Variants in SLC22A11 observed in about 807,000 individuals in gnomAD.
SLC22A11 encodes organic anion transporter 4.
SLC22A11 carries 42 observed loss-of-function variants against 49.4 expected under a neutral mutation model. The observed-to-expected ratio is 0.85, with a 90% CI of 0.66 to 1.10. SLC22A11 has a LOEUF of 1.10. Ranked by LOEUF, SLC22A11 falls within the 50% of genes least tolerant of loss-of-function variation. The pLI is 0.00. For synonymous variants in SLC22A11, 304 were observed against 315.8 expected (o/e 0.96, Z 0.40); for missense variants, 685 against 731.6 (o/e 0.94, Z 0.74).
chr11:64,567,657 G>A lies in SLC22A11; in HGVS notation c.1117G>A (p.Asp373Asn). 6.2e-7 allele frequency: 1 copy of A among 1,614,116 alleles called. No individual in the cohort carries two copies. Among genetic ancestry groups the A allele is most frequent in the Non-Finnish European group, 8.5e-7 (1 of 1,180,036 alleles). ...LVFDLQSLGR[D>N]IFLLQALFGA... The stretch of plus-strand genomic sequence containing the variant: ...CTTCGACCTGCAGAGCCTGGGCCGT[G>A]ACATCTTCCTCCTCCAGGCCCTCTT... The change falls in exon 7 of 10, where the codon GAC (aspartate) becomes AAC (asparagine). Residue 373 changes from aspartate to asparagine, a missense_variant. Transcript: ENST00000301891.
intron 6 of SLC22A11, 21 bp from the exon 7 acceptor site, chr11:64,567,578 G>C: frequency 6.2e-7 from 1 of 1,611,186 alleles, no homozygotes; most frequent in South Asian, 1.1e-5. Context: ...GCAGGGACCT[G>C]ACTTCCAGCC....
rs1305912656 is a variant in SLC22A11 at position 64,571,107 on chromosome 11, T to A, written c.*65T>A. The A allele has an allele frequency of 1.0e-5, 16 of 1,575,572 alleles. No individual in the cohort carries two copies. The highest frequency in any genetic ancestry group is 1.3e-5 in the African/African-American group (1 of 74,218). On this transcript the variant is annotated 3_prime_UTR_variant, in exon 10 of 10. Transcript: ENST00000301891. ...TGGAAAGGAGTTGCCTCTTCTCCAA[T>A]CAGAGCGTGGAGGCGAGTTGGGCGA... is the stretch of plus-strand genomic sequence containing the variant.
intron 1 of SLC22A11, among the ~76,000 whole-genome samples, chr11:64,558,036 G>A (rs984862374): frequency 1.3e-5 from 2 of 152,138 alleles, no homozygotes; most frequent in East Asian, 3.8e-4. Context: ...GACCTCTGGT[G>A]ATCCACCCGC....
intron 6 of SLC22A11, among the ~76,000 whole-genome samples, chr11:64,567,335 C>A (rs1285771755): frequency 2.6e-5 from 4 of 152,246 alleles, no homozygotes; most frequent in Non-Finnish European, 4.4e-5. Flanking sequence ...AGAGGCAACG[C>A]CCCAGCGCAT....
At chr11:64,560,808 A>G (rs2038532984) in intron 2 of SLC22A11, among the ~76,000 whole-genome samples, 1 of 152,134 alleles carries the variant, frequency 6.6e-6, no homozygotes, top group African/African-American at 2.4e-5. Context: ...TATTTCATGA[A>G]TGGAGGACTG....
At position 64,565,569 on chromosome 11, in the gene SLC22A11, G is replaced by A. The variant is rs2038614048; in HGVS notation, c.1058+232G>A. 1 of 609,570 alleles carries A rather than the reference G, an allele frequency of 1.6e-6. No homozygotes were observed. Among genetic ancestry groups the A allele is most frequent in the Non-Finnish European group, 3.1e-6 (1 of 326,148 alleles). 37.8% of individuals were successfully genotyped at this position (609,570 alleles called of 1,614,324 possible). A position where few individuals can be genotyped will look rare whatever the true frequency, so the allele number is the denominator to read the frequency against. On this transcript the variant is annotated intron_variant, in intron 6 of 9. Coordinates refer to ENST00000301891, the MANE Select transcript of SLC22A11 (RefSeq NM_018484.4). This position sits in a 1 kb window ranked among gnomAD's most constrained non-coding sequence, Gnocchi z 4.1. ...AGGCTGCCATCTGCAGGAAGCCAGA[G>A]GAAAAGGCAGCTCTAGGCTGGGGGT...
Position 64,569,827 on chromosome 11 carries a change from C to G in SLC22A11, c.1558C>G (p.Leu520Val), listed in dbSNP as rs918339602. Residue 520 changes from leucine to valine, a missense_variant, in exon 9 of 10, where the codon CTC (leucine) becomes GTC (valine). Transcript: ENST00000301891. ...CCTCCCGGAGACCCAGGGACTTCCGCTCCCTGACACTATCCAGGACCTGGA... is the reference window on the plus strand; with the variant it reads ...CCTCCCGGAGACCCAGGGACTTCCGGTCCCTGACACTATCCAGGACCTGGA... ...FFLPETQGLP[L>V]PDTIQDLESQ... is the part of the protein sequence containing the mutation. 6.2e-7 allele frequency: 1 copy of G among 1,613,818 alleles called. No homozygotes were observed. Among genetic ancestry groups the G allele is most frequent in the African/African-American group, 1.3e-5 (1 of 75,044 alleles).
chr11:64,565,270 C>T lies in SLC22A11; in HGVS notation c.991C>T (p.Arg331Trp), dbSNP rs1286241275. The T allele has an allele frequency of 6.4e-7, 1 of 1,550,426 alleles. No homozygotes were observed. The highest frequency in any genetic ancestry group is 1.2e-5 in the South Asian group (1 of 83,962). The change falls in exon 6 of 10, where the codon CGG becomes TGG. Residue 331 changes from arginine (R) to tryptophan (W), a missense_variant. Physicochemically the swap from Arg to Trp is moderately radical, Grantham distance 101. Coordinates refer to ENST00000301891, the MANE Select transcript of SLC22A11 (RefSeq NM_018484.4). This position sits in a 1 kb window ranked among gnomAD's most constrained non-coding sequence, Gnocchi z 4.1. Reference protein sequence around the residue: ...KEEVASAKEPRSVLDLFCVPV... With the variant: ...KEEVASAKEPWSVLDLFCVPV... ...GGAGGTGGCCTCTGCAAAGGAGCCG[C>T]GGTCGGTGCTGGACCTGTTCTGCGT...
Position 64,562,453 on chromosome 11 carries a change from C to A in SLC22A11, c.821+18C>A, listed in dbSNP as rs745570824. 3 of 1,529,940 alleles carry A rather than the reference C, an allele frequency of 2.0e-6. No individual in the cohort carries two copies. In the South Asian group the frequency reaches 3.7e-5, roughly 19 times the overall value. The allele number at this position is 1,529,940 out of a possible 1,614,324, so 94.8% of individuals were successfully genotyped here. Reference sequence around the variant, plus strand: ...ATATCCTGGTCAGTATGATGTGGGACCTTTTCCTTAGGAGACCCAGGGTGG... The same window carrying A: ...ATATCCTGGTCAGTATGATGTGGGAACTTTTCCTTAGGAGACCCAGGGTGG... On this transcript the variant is annotated intron_variant, in intron 4 of 9. Transcript: ENST00000301891. This position sits in a 1 kb window ranked among gnomAD's most constrained non-coding sequence, Gnocchi z 4.4.
In SLC22A11 at chr11:64,564,222, G is replaced by C. The variant is rs2038590879; in HGVS notation, c.822-86G>C. ...GCTTCCTCATCACTCATCTCAGCTG[G>C]AGGGTCCGTGCCCACTGCCCCTTTC... On this transcript the variant is annotated intron_variant, in intron 4 of 9. Coordinates refer to ENST00000301891, the MANE Select transcript of SLC22A11 (RefSeq NM_018484.4). The surrounding 1 kb of genome is among the most constrained non-coding windows in gnomAD (Gnocchi z 4.2). 1 of 1,530,208 alleles carries C rather than the reference G, an allele frequency of 6.5e-7. No individual in the cohort carries two copies. Among genetic ancestry groups the C allele is most frequent in the Non-Finnish European group, 8.9e-7 (1 of 1,119,760 alleles). 94.8% of individuals were successfully genotyped at this position (1,530,208 alleles called of 1,614,324 possible).
At position 64,562,842 on chromosome 11, in the gene SLC22A11, C is replaced by T. The variant is rs1225420836; in HGVS notation, c.821+407C>T. On this transcript the variant is annotated intron_variant, in intron 4 of 9. Transcript: ENST00000301891. The surrounding 1 kb of genome is among the most constrained non-coding windows in gnomAD (Gnocchi z 4.4). Reference sequence around the variant, plus strand: ...CGGCCACAGTGGAAGCGGCCGCTCTCCCGGTCCCCAAGGCCCCACTGCCGC... The same window carrying T: ...CGGCCACAGTGGAAGCGGCCGCTCTTCCGGTCCCCAAGGCCCCACTGCCGC... 6.6e-6 allele frequency among the ~76,000 whole-genome samples: 1 copy of T among 152,236 alleles called. No individual in the cohort carries two copies. Among genetic ancestry groups the T allele is most frequent in the Non-Finnish European group, 1.5e-5 (1 of 68,040 alleles).
chr11:64,564,471 T>C lies in SLC22A11; in HGVS notation c.942+43T>C. The C allele has an allele frequency of 6.2e-7, 1 of 1,605,928 alleles. No individual in the cohort carries two copies. Among genetic ancestry groups the C allele is most frequent in the Middle Eastern group, 1.7e-4 (1 of 6,004 alleles). On this transcript the variant is annotated intron_variant, in intron 5 of 9. Transcript: ENST00000301891. This position sits in a 1 kb window ranked among gnomAD's most constrained non-coding sequence, Gnocchi z 4.2. ...GCGAGACTTGACCTGGGACAGGACG[T>C]GCACTGAGGGATCATCCGTGTGGCC... is the stretch of plus-strand genomic sequence containing the variant.
In SLC22A11 at chr11:64,569,686, C is replaced by T. The variant is rs779432930; in HGVS notation, c.1417C>T (p.Arg473Trp). Reference sequence around the variant, plus strand: ...AGATGGCATTCTGCATACAGTGGGCCGGCTGGGGGCTATGATGGGTCCCCT... The same window carrying T: ...AGATGGCATTCTGCATACAGTGGGCTGGCTGGGGGCTATGATGGGTCCCCT... ...TADGILHTVG[R>W]LGAMMGPLIL... Residue 473 changes from arginine (R) to tryptophan (W), a missense_variant, in exon 9 of 10, where the codon CGG becomes TGG. Physicochemically the swap from Arg to Trp is moderately radical, Grantham distance 101 (BLOSUM62 -3). Coordinates refer to ENST00000301891, the MANE Select transcript of SLC22A11 (RefSeq NM_018484.4). 1.7e-5 allele frequency: 28 copies of T among 1,613,984 alleles called. No individual in the cohort carries two copies. In the Middle Eastern group the frequency reaches 8.2e-4, roughly 47 times the overall value.
Position 64,564,390 on chromosome 11 carries a change from A to T in SLC22A11, c.904A>T (p.Ile302Leu), listed in dbSNP as rs2038594461. 1.2e-6 allele frequency: 2 copies of T among 1,614,168 alleles called. No homozygotes were observed. The highest frequency in any genetic ancestry group is 1.7e-6 in the Non-Finnish European group (2 of 1,180,018). Residue 302 changes from isoleucine to leucine, a missense_variant, in exon 5 of 10, where the codon ATA becomes TTA. Physicochemically the swap from Ile to Leu is conservative, Grantham distance 5 (BLOSUM62 2). Coordinates refer to ENST00000301891, the MANE Select transcript of SLC22A11 (RefSeq NM_018484.4). This position sits in a 1 kb window ranked among gnomAD's most constrained non-coding sequence, Gnocchi z 4.2. Reference protein sequence around the residue: ...ALQELRKVARINGHKEAKNLT... With the variant: ...ALQELRKVARLNGHKEAKNLT... ...TCAGGAGCTCAGAAAGGTGGCCAGG[A>T]TAAATGGCCACAAGGAGGCCAAGAA... is the stretch of plus-strand genomic sequence containing the variant.
rs2135418030 is a variant in SLC22A11 at position 64,556,241 on chromosome 11, G to A, written c.242G>A (p.Gly81Glu). The stretch of plus-strand genomic sequence containing the variant: ...TCCATCCCGCCAGGCCCCAACCAGG[G>A]GCCCCACCAGTGCCGCCGCTTCCGC... Reference protein sequence around the residue: ...TISIPPGPNQGPHQCRRFRQP... With the variant: ...TISIPPGPNQEPHQCRRFRQP... The change falls in exon 1 of 10, where the codon GGG becomes GAG. Residue 81 changes from glycine (G) to glutamate (E), a missense_variant. Gly to Glu is a moderately conservative substitution (Grantham distance 98). Transcript: ENST00000301891. 1 of 1,613,902 alleles carries A rather than the reference G, an allele frequency of 6.2e-7. No individual in the cohort carries two copies. The highest frequency in any genetic ancestry group is 1.1e-5 in the South Asian group (1 of 91,084).
chr11:64,567,828 C>T lies in SLC22A11; in HGVS notation c.1273+15C>T, dbSNP rs2038649553. The T allele has an allele frequency of 2.6e-6, 4 of 1,562,068 alleles. 1 individual carries two copies. The East Asian group carries it at 9.5e-5, about 37-fold the overall frequency. ...GGTGCCGCAAGGTGAGGCAGGCGGACTGGGCGGTGGGACCGGGCCCTGCTT... is the reference window on the plus strand; with the variant it reads ...GGTGCCGCAAGGTGAGGCAGGCGGATTGGGCGGTGGGACCGGGCCCTGCTT... On this transcript the variant is annotated intron_variant, in intron 7 of 9. Transcript: ENST00000301891.
Position 64,555,953 on chromosome 11 carries a change from A to T in SLC22A11, c.-47A>T. ...GGATCTTGTGGCTGCAATCGGTTCC[A>T]AACAGCAGTTAGGTCAGCAGTCCGC... On this transcript the variant is annotated 5_prime_UTR_variant, in exon 1 of 10. Coordinates refer to ENST00000301891, the MANE Select transcript of SLC22A11 (RefSeq NM_018484.4). The T allele has an allele frequency of 6.5e-7, 1 of 1,541,386 alleles. No homozygotes were observed. The highest frequency in any genetic ancestry group is 8.7e-7 in the Non-Finnish European group (1 of 1,149,322).
In SLC22A11 at chr11:64,565,228, A is replaced by T. The variant is rs1187010709; in HGVS notation, c.949A>T (p.Met317Leu). Residue 317 changes from methionine (M) to leucine (L), a missense_variant, in exon 6 of 10, where the codon ATG becomes TTG. Physicochemically the swap from Met to Leu is conservative, Grantham distance 15. Coordinates refer to ENST00000301891, the MANE Select transcript of SLC22A11 (RefSeq NM_018484.4). This position sits in a 1 kb window ranked among gnomAD's most constrained non-coding sequence, Gnocchi z 4.1. ...EAKNLTIEVL[M>L]SSVKEEVASA... ...CCCCCATTCTCCCCGGAAGGTGCTGATGTCCAGCGTGAAGGAGGAGGTGGC... is the reference window on the plus strand; with the variant it reads ...CCCCCATTCTCCCCGGAAGGTGCTGTTGTCCAGCGTGAAGGAGGAGGTGGC... The T allele has an allele frequency of 5.2e-6, 8 of 1,539,100 alleles. No individual in the cohort carries two copies. The South Asian group carries it at 9.6e-5, about 19-fold the overall frequency.
At chr11:64,556,459 T>G in intron 1 of SLC22A11, 67 bp downstream of exon 1, 1 of 1,570,566 alleles carries the variant, frequency 6.4e-7, no homozygotes. Context: ...ATCAGGTTGG[T>G]TGGACTCCAA....
Sources: allele counts gnomAD v4.1 joint callset (sites outside exome capture counted in the v4.1 genomes callset), GRCh38; gene constraint gnomAD v4.1.1; non-coding constraint Gnocchi (gnomAD v3.1); transcripts MANE v1.5; gene names NCBI Gene and HGNC (gene_info 2026-07-23, HGNC 2026-07-21).